DTNB: variants seen among roughly 807,000 people sequenced by gnomAD.
DTNB encodes dystrobrevin beta.
In DTNB, 63 loss-of-function variants were observed where a neutral mutation model predicts 90.7. The observed-to-expected ratio is 0.69, with a 90% CI of 0.57 to 0.86. The LOEUF is 0.86. Among genes scored for constraint, DTNB ranks in the 40% least tolerant of loss-of-function variants. DTNB has a pLI of 0.00. For synonymous variants in DTNB, 277 were observed against 286.7 expected (o/e 0.97, Z 0.34); for missense variants, 744 against 807.1 (o/e 0.92, Z 0.95).
intron 14 of DTNB, among the ~76,000 whole-genome samples, chr2:25,429,494 C>T (rs1020744999): frequency 1.3e-5 from 2 of 152,134 alleles, no homozygotes; most frequent in Non-Finnish European, 2.9e-5. Flanking sequence ...TTATTCATTC[C>T]GTAATGTCTG....
At chr2:25,514,924 C>A (rs2074759544) in intron 9 of DTNB, among the ~76,000 whole-genome samples, 1 of 152,056 alleles carries the variant, frequency 6.6e-6, no homozygotes, top group South Asian at 2.1e-4. Context: ...CTAAACTGAT[C>A]CGCCTGCCTT....
chr2:25,400,998 C>T (rs2149645368), intron 16 of DTNB, among the ~76,000 whole-genome samples: 1 of 152,268 alleles, frequency 6.6e-6, no homozygotes, highest in Non-Finnish European at 1.5e-5. Context: ...TCAGAAATTA[C>T]AAAATCAGAG....
At chr2:25,432,488 T>C (rs2054239009) in intron 14 of DTNB, among the ~76,000 whole-genome samples, 2 of 152,220 alleles carry the variant, frequency 1.3e-5, no homozygotes, top group Non-Finnish European at 2.9e-5. Flanking sequence ...GAGCCCTGCA[T>C]TGACTGTAAA....
chr2:25,405,226 C>T lies in DTNB; in HGVS notation c.1575+14289G>A, dbSNP rs531508407. ...TATAGGCGTGAGCTACCATGCCTGGCCCGACTAACCACCATTAAAAATAAA... is the reference window on the plus strand; with the variant it reads ...TATAGGCGTGAGCTACCATGCCTGGTCCGACTAACCACCATTAAAAATAAA... On this transcript the variant is annotated intron_variant, in intron 16 of 20. Coordinates refer to ENST00000406818, the MANE Select transcript of DTNB (RefSeq NM_021907.5). Among the ~76,000 whole-genome samples, 25 of 152,288 alleles carry T rather than the reference C, an allele frequency of 1.6e-4. No individual in the cohort carries two copies. The South Asian group carries it at 5.2e-3, about 32-fold the overall frequency.
chr2:25,556,364 G>C (rs1051653556), intron 8 of DTNB, among the ~76,000 whole-genome samples: 1 of 151,936 alleles, frequency 6.6e-6, no homozygotes, highest in African/African-American at 2.4e-5. Flanking sequence ...CTCCTACCAA[G>C]AATCTTCAAG....
rs569184859 is a variant in DTNB at position 25,473,349 on chromosome 2, G to A, written c.1079+9447C>T. Among the ~76,000 whole-genome samples, 401 of 152,354 alleles carry A rather than the reference G, an allele frequency of 2.6e-3. 2 individuals are homozygous for A. The highest frequency in any genetic ancestry group is 0.01 in the Middle Eastern group (3 of 294). On this transcript the variant is annotated intron_variant, in intron 10 of 20. Coordinates refer to ENST00000406818, the MANE Select transcript of DTNB (RefSeq NM_021907.5). ...TTGGAAATGTTTGTTCTGTGTGCCA[G>A]GCTATGGCCCATCACCATCACTTGA... is the stretch of plus-strand genomic sequence containing the variant.
At chr2:25,579,983 T>A (rs1451290628) in intron 7 of DTNB, among the ~76,000 whole-genome samples, 1 of 133,990 alleles carries the variant, frequency 7.5e-6, no homozygotes, top group African/African-American at 2.8e-5. Flanking sequence ...TTTCTTTTTT[T>A]TTTTTTTTTT....
chr2:25,402,035 A>G (rs1236777991), intron 16 of DTNB, among the ~76,000 whole-genome samples: 1 of 152,244 alleles, frequency 6.6e-6, no homozygotes, highest in African/African-American at 2.4e-5. Flanking sequence ...GTGAATGTAT[A>G]GAGAACTGGG....
intron 6 of DTNB, among the ~76,000 whole-genome samples, chr2:25,581,904 C>G (rs1355777367): frequency 1.3e-5 from 2 of 152,208 alleles, no homozygotes; most frequent in African/African-American, 4.8e-5. Context: ...TGGCCGTCGG[C>G]TGCCTCCTCC....
Position 25,384,149 on chromosome 2 carries a change from C to T in DTNB, c.1826-260G>A, listed in dbSNP as rs72613825. Among the ~76,000 whole-genome samples, 262 of 152,340 alleles carry T rather than the reference C, an allele frequency of 1.7e-3. 2 individuals are homozygous for T. In the East Asian group the frequency reaches 0.031, roughly 18 times the overall value. ...TCACTTTCCTGACCAGGGCTGGGGG[C>T]GTGCAGTGTGGGGTTGCGTGCCTCT... On this transcript the variant is annotated intron_variant, in intron 18 of 20. Coordinates refer to ENST00000406818, the MANE Select transcript of DTNB (RefSeq NM_021907.5).
intron 8 of DTNB, among the ~76,000 whole-genome samples, chr2:25,572,745 A>G (rs2151303155): frequency 6.6e-6 from 1 of 151,900 alleles, no homozygotes; most frequent in South Asian, 2.1e-4. Context: ...TGCCAATGTA[A>G]TTCCCTCAGA....
chr2:25,502,473 C>T (rs1462134996), intron 9 of DTNB, among the ~76,000 whole-genome samples: 1 of 152,066 alleles, frequency 6.6e-6, no homozygotes, highest in African/African-American at 2.4e-5. Context: ...TGGCTCACTC[C>T]TGTAATCCTA....
intron 3 of DTNB, among the ~76,000 whole-genome samples, chr2:25,635,067 A>T (rs1233118513): frequency 3.3e-5 from 5 of 150,010 alleles, no homozygotes; most frequent in Non-Finnish European, 5.9e-5. Flanking sequence ...AAAAAATAAA[A>T]AAATAAAAAA....
intron 16 of DTNB, among the ~76,000 whole-genome samples, chr2:25,416,896 T>G (rs1321985465): frequency 6.6e-6 from 1 of 152,094 alleles, no homozygotes; most frequent in Non-Finnish European, 1.5e-5. Flanking sequence ...AATACGCCTA[T>G]GTTTTGGCCT....
At chr2:25,664,456 G>A (rs188778197) in intron 1 of DTNB, among the ~76,000 whole-genome samples, 251 of 152,316 alleles carry the variant, frequency 1.6e-3, no homozygotes, top group Non-Finnish European at 2.5e-3. Flanking sequence ...ACTAAAACAT[G>A]TGCTAAAACA....
intron 8 of DTNB, among the ~76,000 whole-genome samples, chr2:25,550,372 A>C (rs1348280576): frequency 3.3e-5 from 5 of 151,998 alleles, no homozygotes; most frequent in African/African-American, 4.8e-5. Context: ...GCCTGGGTGA[A>C]AGAGCGAGAC....
chr2:25,473,078 GA>G (rs1212151705), intron 10 of DTNB, among the ~76,000 whole-genome samples: 1 of 152,116 alleles, frequency 6.6e-6, no homozygotes, highest in Non-Finnish European at 1.5e-5. Flanking sequence ...TCGCATTTCA[GA>G]AAAACCCCTG....
At chr2:25,492,229 G>A (rs1192633249) in intron 9 of DTNB, among the ~76,000 whole-genome samples, 1 of 152,160 alleles carries the variant, frequency 6.6e-6, no homozygotes, top group Non-Finnish European at 1.5e-5. Context: ...TGTCCTAAAT[G>A]GCTCTCTGAA....
At chr2:25,640,378 G>A (rs531974173) in intron 2 of DTNB, among the ~76,000 whole-genome samples, 3 of 152,100 alleles carry the variant, frequency 2.0e-5, no homozygotes, top group Admixed American at 6.5e-5. Context: ...TTCATTACAC[G>A]GTATGGAGGC....
Sources: gnomAD v4.1 joint callset for allele counts (sites outside exome capture counted in the v4.1 genomes callset) on GRCh38, gnomAD v4.1.1 for gene constraint, MANE v1.5 for transcripts, NCBI Gene and HGNC (gene_info 2026-07-23, HGNC 2026-07-21) for gene names.